DDAH1: variants seen among roughly 807,000 people sequenced by gnomAD.
The protein encoded by DDAH1 is N(G),N(G)-dimethylarginine dimethylaminohydrolase 1.
Under a neutral mutation model 28.8 loss-of-function variants are expected in DDAH1, and 19 were observed. That is an observed-to-expected ratio of 0.66 (90% CI 0.46 to 0.97). The LOEUF is 0.97. Among genes scored for constraint, DDAH1 ranks in the 50% least tolerant of loss-of-function variants. The probability of loss-of-function intolerance (pLI) is 0.00; values close to 1 mark genes in which losing one functional copy is unlikely to be tolerated. For missense variants in DDAH1, 326 were observed against 375.9 expected, an observed-to-expected ratio of 0.87 and a Z score of 1.10; for synonymous variants, 153 against 154.4, an observed-to-expected ratio of 0.99 and a Z score of 0.07.
chr1:85,508,207 C>T (rs558357810), intron 1 of DDAH1, among the ~76,000 whole-genome samples: 1 of 152,264 alleles, frequency 6.6e-6, no homozygotes, highest in South Asian at 2.1e-4. Context: ...AAGATCCTTG[C>T]CTGAATCGAT....
chr1:85,382,883 A>G (rs7553530), intron 1 of DDAH1, among the ~76,000 whole-genome samples: 7,002 of 152,310 alleles, frequency 0.046, 261 homozygotes, highest in South Asian at 0.18. Flanking sequence ...TGGTTTGCTG[A>G]ATATTTTAAG....
chr1:85,331,016 A>G (rs1647727419), intron 4 of DDAH1, among the ~76,000 whole-genome samples: 3 of 152,222 alleles, frequency 2.0e-5, no homozygotes, highest in African/African-American at 7.2e-5. Flanking sequence ...CATTGTGGCC[A>G]CACTGTCATG....
At chr1:85,335,341 A>C (rs936426490) in intron 4 of DDAH1, among the ~76,000 whole-genome samples, 3 of 152,114 alleles carry the variant, frequency 2.0e-5, no homozygotes, top group Non-Finnish European at 2.9e-5. Context: ...GGATTAAAAA[A>C]CCTGTGACCT....
intron 1 of DDAH1, among the ~76,000 whole-genome samples, chr1:85,365,118 A>ATGAT (rs1650002969): frequency 1.3e-5 from 2 of 152,230 alleles, no homozygotes; most frequent in Admixed American, 1.3e-4. Context: ...AAGTACAAGA[A>ATGAT]TGATTTGTTT....
In DDAH1 at chr1:85,464,710, C is replaced by T. The variant is rs1570578184; in HGVS notation, c.303+33G>A. The T allele has an allele frequency of 4.2e-6, 6 of 1,438,176 alleles. No homozygotes were observed. In the African/African-American group the frequency reaches 8.8e-5, roughly 21 times the overall value. 89.1% of individuals were successfully genotyped at this position (1,438,176 alleles called of 1,614,324 possible). A position where few individuals can be genotyped will look rare whatever the true frequency, so the allele number is the denominator to read the frequency against. On this transcript the variant is annotated intron_variant, in intron 1 of 5. Coordinates refer to ENST00000284031, the MANE Select transcript of DDAH1 (RefSeq NM_012137.4). The surrounding 1 kb of genome is among the most constrained non-coding windows in gnomAD (Gnocchi z 4.4). ...CGGCGGCGGGGGAGGGCCTGGCGCG[C>T]GCCCCGGCCGCGCCCCTCGAGTCGG...
chr1:85,497,084 A>C (rs1344493921), intron 1 of DDAH1, among the ~76,000 whole-genome samples: 1 of 152,222 alleles, frequency 6.6e-6, no homozygotes, highest in Non-Finnish European at 1.5e-5. Flanking sequence ...GGATGACTTA[A>C]CCTAACAGAA....
chr1:85,398,763 T>C (rs939325586), intron 1 of DDAH1: 3 of 152,366 alleles, frequency 2.0e-5, no homozygotes, highest in East Asian at 1.9e-4. Context: ...TTATGCCTAC[T>C]TCTTTCGCTT....
At chr1:85,544,467 T>C (rs1221886662) in intron 1 of DDAH1, among the ~76,000 whole-genome samples, 1 of 152,110 alleles carries the variant, frequency 6.6e-6, no homozygotes, top group African/African-American at 2.4e-5. Flanking sequence ...TCTATTCCCA[T>C]CCCCAGGAAT....
intron 5 of DDAH1, among the ~76,000 whole-genome samples, chr1:85,324,382 G>A (rs1278612329): frequency 2.6e-5 from 4 of 152,100 alleles, no homozygotes; most frequent in African/African-American, 7.2e-5. Flanking sequence ...CAGCGATACC[G>A]TTGACCATCT....
chr1:85,389,387 T>C (rs1300339993), intron 1 of DDAH1, among the ~76,000 whole-genome samples: 1 of 152,220 alleles, frequency 6.6e-6, no homozygotes, highest in East Asian at 1.9e-4. Context: ...ATTTACTAAC[T>C]ATTAAATTTT....
chr1:85,452,159 A>T (rs1654692728), intron 1 of DDAH1, among the ~76,000 whole-genome samples: 1 of 152,184 alleles, frequency 6.6e-6, no homozygotes, highest in African/African-American at 2.4e-5. Context: ...GTGCCCTGAG[A>T]TCAAACAGCC....
At chr1:85,383,830 T>C (rs1261033673) in intron 1 of DDAH1, among the ~76,000 whole-genome samples, 1 of 152,230 alleles carries the variant, frequency 6.6e-6, no homozygotes, top group African/African-American at 2.4e-5. Flanking sequence ...TTTTTAGCCA[T>C]AAAATATTCT....
intron 1 of DDAH1, among the ~76,000 whole-genome samples, chr1:85,397,233 A>T (rs1651856721): frequency 6.6e-6 from 1 of 152,130 alleles, no homozygotes; most frequent in Non-Finnish European, 1.5e-5. Flanking sequence ...CTTTATTCTG[A>T]TGCTGTTCTG....
chr1:85,375,068 T>C (rs1650588514), intron 1 of DDAH1, among the ~76,000 whole-genome samples: 1 of 60,576 alleles, frequency 1.7e-5, no homozygotes, highest in Non-Finnish European at 3.3e-5. Flanking sequence ...GATAAAAAGC[T>C]ACATCACAAT....
intron 1 of DDAH1, among the ~76,000 whole-genome samples, chr1:85,388,108 C>G (rs1651370028): frequency 1.3e-5 from 2 of 152,326 alleles, no homozygotes; most frequent in South Asian, 4.1e-4. Flanking sequence ...GGCTTCACCT[C>G]CAACACTGGG....
intron 1 of DDAH1, among the ~76,000 whole-genome samples, chr1:85,414,849 T>A (rs1426358078): frequency 2.0e-5 from 3 of 151,862 alleles, no homozygotes; most frequent in Non-Finnish European, 2.9e-5. Context: ...AAATGGCCCA[T>A]AAACATATGA....
chr1:85,540,468 A>G (rs1325535822), intron 1 of DDAH1, among the ~76,000 whole-genome samples: 1 of 152,108 alleles, frequency 6.6e-6, no homozygotes, highest in African/African-American at 2.4e-5. Context: ...GAACTACCAT[A>G]CATTTTGCAC....
chr1:85,446,441 G>A (rs1570555342), intron 1 of DDAH1, among the ~76,000 whole-genome samples: 1 of 152,070 alleles, frequency 6.6e-6, no homozygotes, highest in African/African-American at 2.4e-5. Flanking sequence ...GGGATTATGA[G>A]GATTACAATT....
intron 1 of DDAH1, among the ~76,000 whole-genome samples, chr1:85,501,203 T>C (rs1656805253): frequency 6.6e-6 from 1 of 152,228 alleles, no homozygotes; most frequent in Non-Finnish European, 1.5e-5. Context: ...GTTAATTTAC[T>C]AGTGGAGAAG....
Sources: gnomAD v4.1 joint callset for allele counts (sites outside exome capture counted in the v4.1 genomes callset) on GRCh38, gnomAD v4.1.1 for gene constraint, Gnocchi (gnomAD v3.1) non-coding constraint, MANE v1.5 for transcripts, NCBI Gene and HGNC (gene_info 2026-07-23, HGNC 2026-07-21) for gene names.